The following DLGAP1 variants were observed in gnomAD, a reference collection of about 807,000 sequenced individuals.
DLGAP1 encodes the protein disks large-associated protein 1.
In DLGAP1, 11 loss-of-function variants were observed where a neutral mutation model predicts 90.8. The observed-to-expected ratio is 0.12, with a 90% CI of 0.08 to 0.20. The LOEUF (loss-of-function observed/expected upper bound fraction) is 0.20. Ranked by LOEUF, DLGAP1 falls within the 10% of genes least tolerant of loss-of-function variation. DLGAP1 has a pLI of 1.00. For synonymous variants in DLGAP1, 558 were observed against 540.7 expected, an observed-to-expected ratio of 1.03 and a Z score of -0.44; for missense variants, 1,050 against 1,333.8, an observed-to-expected ratio of 0.79 and a Z score of 3.31.
At chr18:3,935,377 T>G (rs950982426) in intron 3 of DLGAP1, among the ~76,000 whole-genome samples, 2 of 152,232 alleles carry the variant, frequency 1.3e-5, no homozygotes, top group African/African-American at 4.8e-5. Context: ...TACCATTGAA[T>G]AGTCTACACC....
At chr18:3,504,011 G>A (rs1451164074) in intron 11 of DLGAP1, among the ~76,000 whole-genome samples, 3 of 152,166 alleles carry the variant, frequency 2.0e-5, no homozygotes, top group African/African-American at 7.2e-5. Context: ...CAAGAGAATC[G>A]CTTGGACCTG....
At chr18:4,214,562 C>T (rs2077912528) in intron 1 of DLGAP1, among the ~76,000 whole-genome samples, 1 of 152,156 alleles carries the variant, frequency 6.6e-6, no homozygotes, top group Non-Finnish European at 1.5e-5. Context: ...TAATCCAAGG[C>T]AATCTGTGGA....
At chr18:4,199,190 A>C (rs1032328383) in intron 1 of DLGAP1, among the ~76,000 whole-genome samples, 4 of 152,210 alleles carry the variant, frequency 2.6e-5, no homozygotes, top group African/African-American at 9.6e-5. Flanking sequence ...AGCACTGCTG[A>C]TCCTGCCTGG....
chr18:3,665,081 T>C (rs1254972331), intron 7 of DLGAP1, among the ~76,000 whole-genome samples: 1 of 152,144 alleles, frequency 6.6e-6, no homozygotes, highest in African/African-American at 2.4e-5. Flanking sequence ...AGAGAGCCTC[T>C]GGGTGTGTGG....
intron 8 of DLGAP1, among the ~76,000 whole-genome samples, chr18:3,572,151 T>G (rs901122350): frequency 6.8e-6 from 1 of 147,512 alleles, no homozygotes; most frequent in Non-Finnish European, 1.5e-5. Flanking sequence ...CGATCTCGGC[T>G]CACCGCAACC....
chr18:3,599,744 C>G (rs992334860), intron 7 of DLGAP1, among the ~76,000 whole-genome samples: 1 of 152,016 alleles, frequency 6.6e-6, no homozygotes, highest in Non-Finnish European at 1.5e-5. Context: ...CTCAGCCTCC[C>G]GAGTAGCTGG....
intron 4 of DLGAP1, chr18:3,845,381 A>C: frequency 2.7e-6 from 4 of 1,455,370 alleles, no homozygotes; most frequent in Non-Finnish European, 3.7e-6. Flanking sequence ...CAGTAAACAC[A>C]GGACTTGGGG....
chr18:3,529,588 A>G (rs1443703304), intron 10 of DLGAP1, among the ~76,000 whole-genome samples: 1 of 152,208 alleles, frequency 6.6e-6, no homozygotes, highest in African/African-American at 2.4e-5. Flanking sequence ...TATGCGTCAG[A>G]GGGTCTGGTG....
intron 7 of DLGAP1, among the ~76,000 whole-genome samples, chr18:3,654,398 G>C (rs2059413258): frequency 6.6e-6 from 1 of 152,130 alleles, no homozygotes; most frequent in South Asian, 2.1e-4. Context: ...CAAAACAATA[G>C]TTTTAAAATT....
chr18:3,978,787 G>A (rs2073657456), intron 3 of DLGAP1, among the ~76,000 whole-genome samples: 1 of 152,182 alleles, frequency 6.6e-6, no homozygotes, highest in Admixed American at 6.5e-5. Flanking sequence ...TTTATGGGTT[G>A]ACGTTGCACA....
chr18:4,098,721 T>G (rs1477131725), intron 2 of DLGAP1, among the ~76,000 whole-genome samples: 1 of 152,202 alleles, frequency 6.6e-6, no homozygotes, highest in Non-Finnish European at 1.5e-5. Flanking sequence ...AAATGCAATT[T>G]TAAGTGCACT....
At chr18:3,544,645 G>GT (rs1264859650) in intron 9 of DLGAP1, among the ~76,000 whole-genome samples, 1 of 151,572 alleles carries the variant, frequency 6.6e-6, no homozygotes, top group Non-Finnish European at 1.5e-5. Flanking sequence ...ATTGAAACTT[G>GT]TTTTTTGGGC....
intron 7 of DLGAP1, among the ~76,000 whole-genome samples, chr18:3,713,376 T>C (rs1237553831): frequency 6.6e-6 from 1 of 152,228 alleles, no homozygotes; most frequent in Non-Finnish European, 1.5e-5. Context: ...CCAAGATGGA[T>C]GGCGTTGAAG....
chr18:3,702,094 C>T (rs981203814), intron 7 of DLGAP1, among the ~76,000 whole-genome samples: 1 of 152,140 alleles, frequency 6.6e-6, no homozygotes, highest in Non-Finnish European at 1.5e-5. Flanking sequence ...ACTTGTCCCC[C>T]ATGCTGGAGG....
intron 9 of DLGAP1, among the ~76,000 whole-genome samples, chr18:3,562,098 G>C (rs2054157499): frequency 6.6e-6 from 1 of 152,010 alleles, no homozygotes; most frequent in South Asian, 2.1e-4. Flanking sequence ...GTGGTGGCGG[G>C]CACCTGTAAT....
intron 9 of DLGAP1, among the ~76,000 whole-genome samples, chr18:3,549,883 G>A (rs954732001): frequency 1.3e-5 from 2 of 151,862 alleles, no homozygotes; most frequent in East Asian, 1.9e-4. Flanking sequence ...TTGGAGATAG[G>A]ACCTTTATTT....
intron 3 of DLGAP1, among the ~76,000 whole-genome samples, chr18:3,943,792 C>G (rs1163908483): frequency 2.0e-5 from 3 of 152,036 alleles, no homozygotes; most frequent in African/African-American, 7.3e-5. Flanking sequence ...TTTAAAGAGG[C>G]AATTAGGTTC....
At chr18:4,351,005 T>C (rs1327199059) in intron 1 of DLGAP1, among the ~76,000 whole-genome samples, 6 of 152,152 alleles carry the variant, frequency 3.9e-5, no homozygotes, top group African/African-American at 1.2e-4. Context: ...AGAAGATTCA[T>C]TTCTTTAGGA....
At position 3,644,287 on chromosome 18, in the gene DLGAP1, T is replaced by C. The variant is rs562000739; in HGVS notation, c.1592-62039A>G. The stretch of plus-strand genomic sequence containing the variant: ...TATTGACAGATTTGAGAGTTGTTTG[T>C]TATTGTAGCAAAACGTAACCTCATT... On this transcript the variant is annotated intron_variant, in intron 7 of 12. Transcript: ENST00000315677. Among the ~76,000 whole-genome samples the C allele has an allele frequency of 7.2e-5, 11 of 152,326 alleles. No individual in the cohort carries two copies. The East Asian group carries it at 2.1e-3, about 29-fold the overall frequency.
Sources: gnomAD v4.1 joint callset for allele counts (sites outside exome capture counted in the v4.1 genomes callset) on GRCh38, gnomAD v4.1.1 for gene constraint, MANE v1.5 for transcripts, NCBI Gene and HGNC (gene_info 2026-07-23, HGNC 2026-07-21) for gene names.